The following CADM2 variants were observed in gnomAD, a reference collection of about 807,000 sequenced individuals.
CADM2 encodes the protein immunoglobulin superfamily member 4D.
CADM2 carries 12 observed loss-of-function variants against 49.8 expected under a neutral mutation model. The observed-to-expected ratio is 0.24, with a 90% CI of 0.15 to 0.39. The LOEUF (loss-of-function observed/expected upper bound fraction) is 0.39. CADM2 is among the 10% of genes least tolerant of loss of function. The pLI, the probability that CADM2 is intolerant of heterozygous loss-of-function variation, is 1.00. For synonymous variants in CADM2, 214 were observed against 175.4 expected (o/e 1.22, Z -1.74); for missense variants, 378 against 492.3 (o/e 0.77, Z 2.20).
intron 1 of CADM2, among the ~76,000 whole-genome samples, chr3:85,104,429 C>G (rs1316689674): frequency 1.3e-5 from 2 of 152,008 alleles, no homozygotes; most frequent in African/African-American, 4.8e-5. Context: ...GTACCAGTAC[C>G]ATGCTGTTTT....
chr3:85,650,329 T>C (rs1577015818), intron 1 of CADM2, among the ~76,000 whole-genome samples: 1 of 152,252 alleles, frequency 6.6e-6, no homozygotes, highest in Admixed American at 6.5e-5. Context: ...CAGGCTTTAA[T>C]AATAATTGTG....
intron 2 of CADM2, among the ~76,000 whole-genome samples, chr3:85,754,849 A>G (rs2069034886): frequency 6.6e-6 from 1 of 152,210 alleles, no homozygotes; most frequent in South Asian, 2.1e-4. Flanking sequence ...ACCACCATAG[A>G]GTATTGACAT....
intron 1 of CADM2, among the ~76,000 whole-genome samples, chr3:84,968,927 G>A (rs763234596): frequency 2.0e-4 from 30 of 152,042 alleles, no homozygotes; most frequent in Non-Finnish European, 3.4e-4. Context: ...TTTTATTTTC[G>A]GGTTTTAATT....
intron 1 of CADM2, among the ~76,000 whole-genome samples, chr3:85,127,379 A>G (rs1383641490): frequency 6.6e-6 from 1 of 152,206 alleles, no homozygotes; most frequent in East Asian, 1.9e-4. Context: ...TGTTTTCAGT[A>G]AAACCTCTTG....
At chr3:86,008,873 G>C (rs1731125556) in intron 8 of CADM2, among the ~76,000 whole-genome samples, 1 of 151,686 alleles carries the variant, frequency 6.6e-6, no homozygotes, top group Admixed American at 6.6e-5. Flanking sequence ...ATCTATAAAA[G>C]TTAAATTAAC....
intron 1 of CADM2, among the ~76,000 whole-genome samples, chr3:84,987,713 G>A (rs1054427530): frequency 6.6e-6 from 1 of 152,130 alleles, no homozygotes; most frequent in African/African-American, 2.4e-5. Flanking sequence ...TTATTGATGT[G>A]TGTTTATTAA....
In CADM2 at chr3:85,732,623, C is replaced by T. The variant is rs114882850; in HGVS notation, c.88+6075C>T. ...TAAGATATATTACTGCAGCTTTTTTCTAACTTTTAAAAAAGTAAGTAACAA... is the reference window on the plus strand; with the variant it reads ...TAAGATATATTACTGCAGCTTTTTTTTAACTTTTAAAAAAGTAAGTAACAA... On this transcript the variant is annotated intron_variant, in intron 2 of 9. Transcript: ENST00000383699. Among the ~76,000 whole-genome samples the T allele has an allele frequency of 1.7e-3, 255 of 152,096 alleles. 1 individual carries two copies. Among genetic ancestry groups the T allele is most frequent in the African/African-American group, 5.7e-3 (237 of 41,488 alleles).
At chr3:85,076,596 T>G (rs1181441444) in intron 1 of CADM2, among the ~76,000 whole-genome samples, 2 of 151,100 alleles carry the variant, frequency 1.3e-5, no homozygotes, top group Non-Finnish European at 3.0e-5. Flanking sequence ...ATCTGCCTGC[T>G]TTGGCCTCCC....
chr3:85,001,631 T>G (rs2033468223), intron 1 of CADM2, among the ~76,000 whole-genome samples: 1 of 152,116 alleles, frequency 6.6e-6, no homozygotes, highest in South Asian at 2.1e-4. Context: ...ACTATTTATC[T>G]TATAGAAACG....
Position 85,786,356 on chromosome 3 carries a change from C to G in CADM2, c.89-15691C>G, listed in dbSNP as rs141083375. 3.4e-3 allele frequency among the ~76,000 whole-genome samples: 510 copies of G among 151,928 alleles called. 4 individuals carry two copies. The highest frequency in any genetic ancestry group is 0.012 in the African/African-American group (488 of 41,474). On this transcript the variant is annotated intron_variant, in intron 2 of 9. Coordinates refer to ENST00000383699, the MANE Select transcript of CADM2 (RefSeq NM_001167675.2). ...ATCTGTAGAAATCTATACAAAGTAC[C>G]AAGTTTCATTTTAATATGTTCCCAC...
At chr3:85,466,432 T>C (rs956764413) in intron 1 of CADM2, among the ~76,000 whole-genome samples, 2 of 152,166 alleles carry the variant, frequency 1.3e-5, no homozygotes, top group East Asian at 3.9e-4. Flanking sequence ...TAGCAGAAGT[T>C]AAATGATAAG....
chr3:85,279,066 GT>G (rs2043431406), intron 1 of CADM2, among the ~76,000 whole-genome samples: 1 of 151,412 alleles, frequency 6.6e-6, no homozygotes. Flanking sequence ...ATACTGATTA[GT>G]TTGGGGTTTC....
chr3:85,211,739 A>C lies in CADM2; in HGVS notation c.61+252071A>C, dbSNP rs138897142. ...GAATAAGCCATGTGCTGAGGAGAAC[A>C]ATGTGTACTCTGCAGGTATTGTATG... is the stretch of plus-strand genomic sequence containing the variant. On this transcript the variant is annotated intron_variant, in intron 1 of 9. Transcript: ENST00000383699. Among the ~76,000 whole-genome samples the C allele has an allele frequency of 2.8e-4, 42 of 152,294 alleles. No individual in the cohort carries two copies. The East Asian group carries it at 6.6e-3, about 24-fold the overall frequency.
At chr3:85,012,152 G>T in intron 1 of CADM2, among the ~76,000 whole-genome samples, 1 of 149,722 alleles carries the variant, frequency 6.7e-6, no homozygotes, top group East Asian at 2.0e-4. Context: ...TAGTTTTGAT[G>T]AAAAAAAATG....
chr3:84,959,783 C>A, intron 1 of CADM2, 115 bp downstream of exon 1: 1 of 953,580 alleles, frequency 1.0e-6, no homozygotes, highest in Non-Finnish European at 1.6e-6. Context: ...GCGATTTCCA[C>A]CCCCTCCCCC....
intron 1 of CADM2, among the ~76,000 whole-genome samples, chr3:85,464,231 G>T (rs2038386877): frequency 6.6e-6 from 1 of 152,008 alleles, no homozygotes; most frequent in Admixed American, 6.6e-5. Context: ...CTCGAAATAT[G>T]ATTATATATT....
In CADM2 at chr3:84,984,377, A is replaced by C. The variant is rs956666812; in HGVS notation, c.61+24709A>C. ...AAGCTAAAAAAAAAAAAAAAAAAAA[A>C]AAAAAAAACACTTGAGGCTGTCCTT... On this transcript the variant is annotated intron_variant, in intron 1 of 9. Transcript: ENST00000383699. 2.9e-4 allele frequency among the ~76,000 whole-genome samples: 38 copies of C among 129,700 alleles called. 1 individual carries two copies. The highest frequency in any genetic ancestry group is 5.5e-4 in the Admixed American group (7 of 12,812). The allele number at this position is 129,700 out of a possible 152,430, so 85.1% of individuals were successfully genotyped here.
chr3:86,065,505 G>T (rs1739198702), intron 8 of CADM2, 100 bp from the exon 9 acceptor site: 5 of 1,242,936 alleles, frequency 4.0e-6, no homozygotes, highest in Non-Finnish European at 5.5e-6. Flanking sequence ...TTATTTAACA[G>T]AAATTGTGTT....
intron 1 of CADM2, among the ~76,000 whole-genome samples, chr3:85,145,495 T>G (rs1489280196): frequency 1.3e-5 from 2 of 152,106 alleles, no homozygotes; most frequent in African/African-American, 4.8e-5. Flanking sequence ...TTTTTTTTTT[T>G]TGGTGAAGAA....
Sources: gnomAD v4.1 joint callset for allele counts (sites outside exome capture counted in the v4.1 genomes callset) on GRCh38, gnomAD v4.1.1 for gene constraint, MANE v1.5 for transcripts, NCBI Gene and HGNC (gene_info 2026-07-23, HGNC 2026-07-21) for gene names.